The following CCDC171 variants were observed in gnomAD, a reference collection of about 807,000 sequenced individuals.
The protein encoded by CCDC171 is coiled-coil domain containing 171, also known as coiled-coil domain-containing protein 171.
Under a neutral mutation model 168.2 loss-of-function variants are expected in CCDC171, and 177 were observed. The ratio of observed to expected loss-of-function variants is 1.05; its 90% CI spans 0.93 to 1.19. The LOEUF is 1.19. Among genes scored for constraint, CCDC171 ranks in the 50% most tolerant of loss-of-function variants. CCDC171 has a pLI of 0.00. For synonymous variants in CCDC171, 687 were observed against 540.8 expected, an observed-to-expected ratio of 1.27 and a Z score of -3.75; for missense variants, 1,991 against 1,539.0, an observed-to-expected ratio of 1.29 and a Z score of -4.91.
the CCDC171 span, among the ~76,000 whole-genome samples, chr9:16,108,187 T>C: frequency 6.6e-6 from 1 of 152,212 alleles, no homozygotes; most frequent in Non-Finnish European, 1.5e-5. Context: ...GAGGTCAGTG[T>C]CATAGGCCGA....
At chr9:15,672,317 G>A (rs1276727656) in intron 9 of CCDC171, among the ~76,000 whole-genome samples, 2 of 152,066 alleles carry the variant, frequency 1.3e-5, no homozygotes, top group African/African-American at 4.8e-5. Context: ...TTACTCTGAT[G>A]ATACTTTCTT....
intron 2 of CCDC171, among the ~76,000 whole-genome samples, chr9:15,565,457 T>C (rs1359387217): frequency 6.6e-6 from 1 of 152,204 alleles, no homozygotes; most frequent in Admixed American, 6.5e-5. Context: ...TAGCTGGAAC[T>C]GTAGGCACGC....
At chr9:15,974,642 G>A (rs1445435813), downstream of CCDC171, among the ~76,000 whole-genome samples, 1 of 151,900 alleles carries the variant, frequency 6.6e-6, no homozygotes, top group Admixed American at 6.6e-5. Context: ...CATGTATTTT[G>A]GAATGACATA....
chr9:15,656,180 G>A (rs769262905), intron 7 of CCDC171, among the ~76,000 whole-genome samples: 2 of 152,086 alleles, frequency 1.3e-5, no homozygotes, highest in African/African-American at 4.8e-5. Flanking sequence ...TTAGCTGGGC[G>A]TGGTGGCCGG....
intron 18 of CCDC171, among the ~76,000 whole-genome samples, chr9:15,762,698 CT>C (rs2056515294): frequency 6.6e-6 from 1 of 152,048 alleles, no homozygotes; most frequent in African/African-American, 2.4e-5. Context: ...GCTTATTTGA[CT>C]ATAAAATTTG....
intron 24 of CCDC171, among the ~76,000 whole-genome samples, chr9:15,908,886 A>G (rs1054198072): frequency 6.6e-6 from 1 of 152,102 alleles, no homozygotes; most frequent in Non-Finnish European, 1.5e-5. Flanking sequence ...CATGATCCAA[A>G]TACCTCCCAC....
intron 23 of CCDC171, among the ~76,000 whole-genome samples, chr9:15,862,317 T>A (rs968600056): frequency 6.6e-6 from 1 of 151,856 alleles, no homozygotes; most frequent in African/African-American, 2.4e-5. Flanking sequence ...TCACCAATTT[T>A]TTTTTTTCTG....
At chr9:15,995,887 C>A (rs1331365613) in intron 3 of CCDC171, among the ~76,000 whole-genome samples, 1 of 152,200 alleles carries the variant, frequency 6.6e-6, no homozygotes, top group African/African-American at 2.4e-5. Flanking sequence ...GGTAGATCCA[C>A]TCTTTCAATA....
chr9:15,692,857 C>T (rs2050916194), intron 10 of CCDC171, among the ~76,000 whole-genome samples: 2 of 149,528 alleles, frequency 1.3e-5, no homozygotes, highest in African/African-American at 4.9e-5. Context: ...TGATTCTAGG[C>T]CGGGCATGGT....
intron 24 of CCDC171, among the ~76,000 whole-genome samples, chr9:15,910,479 T>C (rs1193953957): frequency 1.3e-5 from 2 of 152,204 alleles, no homozygotes; most frequent in Non-Finnish European, 2.9e-5. Flanking sequence ...CCTTGTAGTA[T>C]AATTTGAAGT....
chr9:15,580,083 G>A (rs1360389487), intron 4 of CCDC171, among the ~76,000 whole-genome samples: 1 of 152,168 alleles, frequency 6.6e-6, no homozygotes, highest in South Asian at 2.1e-4. Context: ...ACAGCCAACT[G>A]ATCTTTGACA....
chr9:16,057,907 G>A (rs1036299828), intron 1 of CCDC171, among the ~76,000 whole-genome samples: 1 of 152,230 alleles, frequency 6.6e-6, no homozygotes, highest in Non-Finnish European at 1.5e-5. Flanking sequence ...GGCCCTGAGT[G>A]TTTGCTGTGA....
chr9:15,854,361 G>T (rs576951376), intron 23 of CCDC171, among the ~76,000 whole-genome samples: 1 of 151,462 alleles, frequency 6.6e-6, no homozygotes, highest in South Asian at 2.1e-4. Context: ...TTTTATCTAA[G>T]TTATGTGACT....
At chr9:15,652,669 G>A (rs1041690541) in intron 7 of CCDC171, among the ~76,000 whole-genome samples, 2 of 152,142 alleles carry the variant, frequency 1.3e-5, no homozygotes, top group Non-Finnish European at 2.9e-5. Flanking sequence ...TTGAACTTCT[G>A]TGCTCAAGCT....
At chr9:16,034,888 G>T (rs1013910140) in intron 6 of CCDC171, among the ~76,000 whole-genome samples, 1 of 152,090 alleles carries the variant, frequency 6.6e-6, no homozygotes, top group African/African-American at 2.4e-5. Context: ...CTTGGAGAGT[G>T]GGGTCTATCC....
chr9:16,030,023 G>C (rs2133038827), intron 6 of CCDC171, among the ~76,000 whole-genome samples: 1 of 152,286 alleles, frequency 6.6e-6, no homozygotes, highest in South Asian at 2.1e-4. Flanking sequence ...CCTTTTGTTT[G>C]TGCTCACATG....
chr9:16,018,594 G>A (rs1049215892), intron 3 of CCDC171, among the ~76,000 whole-genome samples: 18 of 151,932 alleles, frequency 1.2e-4, no homozygotes, highest in South Asian at 4.2e-4. Flanking sequence ...AGAATCTTTC[G>A]TTACCCCTCA....
chr9:16,023,082 T>C (rs1224396201), intron 6 of CCDC171, among the ~76,000 whole-genome samples: 1 of 152,032 alleles, frequency 6.6e-6, no homozygotes, highest in East Asian at 1.9e-4. Context: ...GTCAAAGCAT[T>C]TGGGGGTTCA....
chr9:15,600,522 C>T (rs1011972997), intron 6 of CCDC171, among the ~76,000 whole-genome samples: 16 of 152,098 alleles, frequency 1.1e-4, no homozygotes, highest in Non-Finnish European at 2.1e-4. Context: ...AGTACCCGGC[C>T]GTGTGAGGTG....
Sources: allele counts gnomAD v4.1 joint callset (sites outside exome capture counted in the v4.1 genomes callset), GRCh38; gene constraint gnomAD v4.1.1; transcripts MANE v1.5; gene names NCBI Gene and HGNC (gene_info 2026-07-23, HGNC 2026-07-21).